The following CKMT2 variants were observed in gnomAD, a reference collection of about 807,000 sequenced individuals.
CKMT2 encodes the protein creatine kinase, mitochondrial 2.
In CKMT2, 43 loss-of-function variants were observed where a neutral mutation model predicts 48.9. The observed-to-expected ratio is 0.88, with a 90% CI of 0.69 to 1.13. CKMT2 has a LOEUF of 1.13. Ranked by LOEUF, CKMT2 falls within the 50% of genes most tolerant of loss-of-function variation. The pLI is 0.00. For synonymous variants in CKMT2, 206 were observed against 213.0 expected (o/e 0.97, Z 0.29); for missense variants, 472 against 555.4 (o/e 0.85, Z 1.51).
intron 1 of CKMT2, among the ~76,000 whole-genome samples, chr5:81,234,692 A>AT (rs1756199983): frequency 6.6e-6 from 1 of 152,172 alleles, no homozygotes. Context: ...TGACCAAATC[A>AT]TATCATTAGG....
intron 1 of CKMT2, chr5:81,235,985 T>C (rs944702886): frequency 2.6e-5 from 4 of 152,176 alleles, no homozygotes; most frequent in Non-Finnish European, 4.4e-5. Context: ...AAAGCTTCTA[T>C]GGGGTGAGAG....
intron 1 of CKMT2, among the ~76,000 whole-genome samples, chr5:81,250,538 T>C (rs1322795876): frequency 6.6e-6 from 1 of 152,092 alleles, no homozygotes; most frequent in East Asian, 1.9e-4. Context: ...CTTTTAGACC[T>C]GCTTCAGGCA....
chr5:81,262,626 C>T (rs898084045), intron 8 of CKMT2, among the ~76,000 whole-genome samples: 10 of 151,978 alleles, frequency 6.6e-5, no homozygotes, highest in Non-Finnish European at 1.2e-4. Context: ...AAAACCACAC[C>T]GAGATACCAT....
intron 1 of CKMT2, among the ~76,000 whole-genome samples, chr5:81,242,122 C>G (rs557570874): frequency 6.6e-6 from 1 of 152,188 alleles, no homozygotes; most frequent in Non-Finnish European, 1.5e-5. Context: ...CATGGTCAAA[C>G]GGTCAGGAGC....
Position 81,251,220 on chromosome 5 carries a change from T to C in CKMT2, c.88T>C (p.Tyr30His). The change falls in exon 2 of 10, where the codon TAC becomes CAC. Residue 30 changes from tyrosine (Y) to histidine (H), a missense_variant. Tyr to His is a moderately conservative substitution (Grantham distance 83). Coordinates refer to ENST00000254035, the MANE Select transcript of CKMT2 (RefSeq NM_001099735.2). ...GGGCACCAGTGTCCTGACCACCGGGTACCTGCTGAACCGGCAGAAAGTGTG... is the reference window on the plus strand; with the variant it reads ...GGGCACCAGTGTCCTGACCACCGGGCACCTGCTGAACCGGCAGAAAGTGTG... ...TMGTSVLTTG[Y>H]LLNRQKVCAE... is the part of the protein sequence containing the mutation. 6.2e-7 allele frequency: 1 copy of C among 1,614,216 alleles called. No individual in the cohort carries two copies. The highest frequency in any genetic ancestry group is 8.5e-7 in the Non-Finnish European group (1 of 1,180,028).
intron 1 of CKMT2, among the ~76,000 whole-genome samples, chr5:81,247,454 C>T (rs1756649225): frequency 6.6e-6 from 1 of 152,190 alleles, no homozygotes; most frequent in African/African-American, 2.4e-5. Context: ...GTAGGGGTTA[C>T]AGCTGCAGAG....
At position 81,254,419 on chromosome 5, in the gene CKMT2, C is replaced by T. The variant is rs767947115; in HGVS notation, c.375C>T (p.Pro125=). The part of the protein sequence containing the change: ...SYEVFADLFD[P]VIKLRHNGYD... ...AGGTGTTTGCTGACCTTTTTGACCC[C>T]GTCATCAAACTAAGACACAACGGCT... is the stretch of plus-strand genomic sequence containing the variant. Residue 125 remains proline, a synonymous_variant, in exon 4 of 10, where the codon CCC becomes CCT. Coordinates refer to ENST00000254035, the MANE Select transcript of CKMT2 (RefSeq NM_001099735.2). 8.7e-6 allele frequency: 14 copies of T among 1,614,076 alleles called. No homozygotes were observed. Among genetic ancestry groups the T allele is most frequent in the South Asian group, 2.2e-5 (2 of 91,074 alleles).
chr5:81,243,941 C>T lies in CKMT2; in HGVS notation c.-20-7172C>T, dbSNP rs142189329. The T allele has an allele frequency of 3.4e-3, 2,570 of 751,854 alleles. 52 individuals carry two copies. In the African/African-American group the frequency reaches 0.046, roughly 13 times the overall value. The allele number at this position is 751,854 out of a possible 1,614,324, so 46.6% of individuals were successfully genotyped here. A position where few individuals can be genotyped will look rare whatever the true frequency, so the allele number is the denominator to read the frequency against. Reference sequence around the variant, plus strand: ...CTCCTGACCTCAGGTGATCCGCCCACCTTGGCCTCCCAAAGTGCTGGGATT... The same window carrying T: ...CTCCTGACCTCAGGTGATCCGCCCATCTTGGCCTCCCAAAGTGCTGGGATT... On this transcript the variant is annotated intron_variant, in intron 1 of 9. Transcript: ENST00000254035.
At chr5:81,252,410 G>C (rs184538625) in intron 2 of CKMT2, 2 of 452,556 alleles carry the variant, frequency 4.4e-6, no homozygotes, top group Non-Finnish European at 8.2e-6. Flanking sequence ...TCCAGGGTAA[G>C]ACAGCACCCA....
intron 2 of CKMT2, among the ~76,000 whole-genome samples, chr5:81,251,634 C>T (rs1314917679): frequency 2.0e-5 from 3 of 152,116 alleles, no homozygotes; most frequent in Non-Finnish European, 4.4e-5. Context: ...CTTCAAAGAC[C>T]AGCAAGAAAT....
intron 1 of CKMT2, among the ~76,000 whole-genome samples, chr5:81,233,589 G>A (rs1439424799): frequency 6.6e-6 from 1 of 152,146 alleles, no homozygotes; most frequent in Non-Finnish European, 1.5e-5. Context: ...GGTGGGGGCA[G>A]CTCAGCACCA....
chr5:81,263,904 A>G (rs1374991885), intron 9 of CKMT2, among the ~76,000 whole-genome samples: 1 of 152,182 alleles, frequency 6.6e-6, no homozygotes, highest in Non-Finnish European at 1.5e-5. Flanking sequence ...CTCAGCGAGC[A>G]GGAGCTCTGT....
At chr5:81,250,940 A>AAAACACACACACAC (rs373408385) in intron 1 of CKMT2, among the ~76,000 whole-genome samples, 173 bp from the exon 2 acceptor site, 2 of 132,998 alleles carry the variant, frequency 1.5e-5, no homozygotes, top group African/African-American at 6.0e-5. Flanking sequence ...AGAAATAGAA[A>AAAACACACACACAC]ACACACACAC....
At chr5:81,242,899 G>T (rs897878094) in intron 1 of CKMT2, among the ~76,000 whole-genome samples, 1 of 152,240 alleles carries the variant, frequency 6.6e-6, no homozygotes, top group African/African-American at 2.4e-5. Flanking sequence ...AGCAATGCAA[G>T]GGAATAGGTC....
At chr5:81,249,384 A>G (rs1029113092) in intron 1 of CKMT2, among the ~76,000 whole-genome samples, 1 of 152,046 alleles carries the variant, frequency 6.6e-6, no homozygotes, top group Non-Finnish European at 1.5e-5. Flanking sequence ...CCGGGCCCAT[A>G]CACTCTTTAT....
At chr5:81,241,900 C>T (rs1262259049) in intron 1 of CKMT2, among the ~76,000 whole-genome samples, 2 of 151,858 alleles carry the variant, frequency 1.3e-5, no homozygotes, top group Admixed American at 1.3e-4. Context: ...TCCCCAACAC[C>T]TAGCACTTGC....
intron 9 of CKMT2, among the ~76,000 whole-genome samples, chr5:81,264,093 C>T (rs1274955605): frequency 6.6e-6 from 1 of 152,130 alleles, no homozygotes; most frequent in Non-Finnish European, 1.5e-5. Flanking sequence ...ACTTTTATTT[C>T]TTAGGCTAAA....
chr5:81,242,557 C>A, intron 1 of CKMT2: 1 of 418,190 alleles, frequency 2.4e-6, no homozygotes, highest in Non-Finnish European at 4.7e-6. Context: ...TACATAGGCT[C>A]ATCAGAATTG....
intron 1 of CKMT2, chr5:81,237,859 G>C (rs1756296882): frequency 1.3e-5 from 2 of 152,126 alleles, no homozygotes; most frequent in South Asian, 4.1e-4. Context: ...TGGGCCTCCA[G>C]GTAAGTGGAG....
Sources: gnomAD v4.1 joint callset for allele counts (sites outside exome capture counted in the v4.1 genomes callset) on GRCh38, gnomAD v4.1.1 for gene constraint, MANE v1.5 for transcripts, NCBI Gene and HGNC (gene_info 2026-07-23, HGNC 2026-07-21) for gene names.